Variants in SLC4A7 observed in about 807,000 individuals in gnomAD.
SLC4A7 encodes sodium bicarbonate cotransporter 3.
A neutral mutation model predicts 137.6 loss-of-function variants in SLC4A7; 51 were observed. The observed-to-expected ratio is 0.37, with a 90% CI of 0.30 to 0.47. The LOEUF is 0.47. Ranked by LOEUF, SLC4A7 falls within the 20% of genes least tolerant of loss-of-function variation. SLC4A7 has a pLI of 1.00. For missense variants in SLC4A7, 1,247 were observed against 1,525.4 expected (o/e 0.82, Z 3.04); for synonymous variants, 542 against 518.6 (o/e 1.05, Z -0.61).
intron 1 of SLC4A7, among the ~76,000 whole-genome samples, chr3:27,476,832 G>A (rs1035191034): frequency 2.6e-5 from 4 of 152,126 alleles, no homozygotes; most frequent in African/African-American, 9.7e-5. Context: ...CCCAGTCTCA[G>A]GTAGTTCTTT....
At chr3:27,462,690 CG>C in intron 1 of SLC4A7, 1 of 172,688 alleles carries the variant, frequency 5.8e-6, no homozygotes, top group Non-Finnish European at 1.2e-5. Context: ...TCCTAAAACA[CG>C]GGATCGCTTC....
chr3:27,386,149 C>A, intron 22 of SLC4A7, 126 bp from the exon 23 acceptor site: 7 of 574,612 alleles, frequency 1.2e-5, no homozygotes, highest in East Asian at 3.8e-5. Context: ...ATTCACACAT[C>A]ATTTTGTTTC....
In SLC4A7 at chr3:27,469,480, C is replaced by T. The variant is rs894747330; in HGVS notation, c.60+14587G>A. ...GTTTAATTAATGTCCTGGAGCAGCT[C>T]ACAGAACTCACAGACACACTTACTT... On this transcript the variant is annotated intron_variant, in intron 1 of 25. Transcript: ENST00000454389. 6.5e-4 allele frequency among the ~76,000 whole-genome samples: 99 copies of T among 152,146 alleles called. 2 individuals carry two copies. Among genetic ancestry groups the T allele is most frequent in the Admixed American group, 2.0e-4 (3 of 15,266 alleles).
intron 1 of SLC4A7, among the ~76,000 whole-genome samples, chr3:27,463,291 C>A (rs796676762): frequency 6.6e-6 from 1 of 152,094 alleles, no homozygotes; most frequent in Non-Finnish European, 1.5e-5. Context: ...ATTAGCCAGG[C>A]GTGGTGGCGG....
At chr3:27,481,535 C>T (rs767752075) in intron 1 of SLC4A7, among the ~76,000 whole-genome samples, 6 of 152,280 alleles carry the variant, frequency 3.9e-5, no homozygotes, top group South Asian at 2.1e-4. Flanking sequence ...CTCACTTTTA[C>T]GACTTTTATT....
At chr3:27,478,600 GA>G (rs2150747573) in intron 1 of SLC4A7, among the ~76,000 whole-genome samples, 1 of 151,064 alleles carries the variant, frequency 6.6e-6, no homozygotes, top group South Asian at 2.1e-4. Flanking sequence ...CCTTGATACT[GA>G]AAACTGCTTA....
intron 2 of SLC4A7, among the ~76,000 whole-genome samples, chr3:27,450,948 G>T (rs1350659430): frequency 6.6e-6 from 1 of 151,958 alleles, no homozygotes; most frequent in Non-Finnish European, 1.5e-5. Context: ...GAATATCCAG[G>T]TTATGTATAG....
At position 27,383,212 on chromosome 3, in the gene SLC4A7, C is replaced by A. The variant is rs199895162; in HGVS notation, c.3531G>T (p.Val1177=). The A allele has an allele frequency of 1.9e-6, 3 of 1,613,260 alleles. No individual in the cohort carries two copies. The highest frequency in any genetic ancestry group is 2.5e-6 in the Non-Finnish European group (3 of 1,179,290). ...GACTTCCCCCTTCAAATGGAAGGTGCACAGTATCATCATCATCTTGAAGCA... is the reference window on the plus strand; with the variant it reads ...GACTTCCCCCTTCAAATGGAAGGTGAACAGTATCATCATCATCTTGAAGCA... The part of the protein sequence containing the change: ...ERMLQDDDDT[V]HLPFEGGSLL... The change falls in exon 24 of 26, where the codon GTG becomes GTT. Residue 1177 remains valine, a synonymous_variant. Transcript: ENST00000454389.
At chr3:27,411,200 T>C (rs1054809501) in intron 12 of SLC4A7, among the ~76,000 whole-genome samples, 4 of 152,208 alleles carry the variant, frequency 2.6e-5, no homozygotes, top group Non-Finnish European at 4.4e-5. Flanking sequence ...ATCATGCTTG[T>C]CCATGGAAGA....
intron 21 of SLC4A7, chr3:27,390,315 T>C: frequency 2.3e-6 from 1 of 443,872 alleles, no homozygotes; most frequent in Non-Finnish European, 4.0e-6. Flanking sequence ...AGCAACCACT[T>C]GCACTGCTGT....
At chr3:27,434,130 T>C (rs754055092) in intron 5 of SLC4A7, 26 bp from the exon 6 acceptor site, 3 of 1,518,900 alleles carry the variant, frequency 2.0e-6, no homozygotes, top group Non-Finnish European at 2.7e-6. Context: ...AAAAATAAAT[T>C]ACTAAACACT....
At chr3:27,399,869 G>C (rs925515940) in intron 16 of SLC4A7, among the ~76,000 whole-genome samples, 3 of 152,178 alleles carry the variant, frequency 2.0e-5, no homozygotes, top group Admixed American at 2.0e-4. Flanking sequence ...CTAGTTAACT[G>C]AAAAACTAAA....
chr3:27,479,020 C>CA (rs1475192340), intron 1 of SLC4A7, among the ~76,000 whole-genome samples: 7 of 149,088 alleles, frequency 4.7e-5, no homozygotes, highest in Non-Finnish European at 7.5e-5. Flanking sequence ...AAAAAAAAAA[C>CA]AAAAAAACAC....
At chr3:27,382,579 GAAT>G (rs1173718426) in intron 24 of SLC4A7, among the ~76,000 whole-genome samples, 9 of 151,892 alleles carry the variant, frequency 5.9e-5, no homozygotes, top group African/African-American at 2.2e-4. Flanking sequence ...TCAAAATCAC[GAAT>G]AATGAATTAT....
chr3:27,376,783 T>A lies in SLC4A7; in HGVS notation c.3761A>T (p.Asp1254Val), dbSNP rs918246796. The change falls in exon 26 of 26, where the codon GAT becomes GTT. Residue 1254 changes from aspartate (D) to valine (V), a missense_variant. Transcript: ENST00000454389. ...TCAATTCTATAATGAAGTTTCAGCA[T>A]CCACGTATTTCTTTCTTGGTTCATC... ...FEDEPRKKYV[D>V]AETSL 1.9e-6 allele frequency: 3 copies of A among 1,597,570 alleles called. No individual in the cohort carries two copies. The highest frequency in any genetic ancestry group is 1.7e-6 in the Non-Finnish European group (2 of 1,169,116).
chr3:27,389,803 A>C, intron 22 of SLC4A7, 128 bp downstream of exon 22: 1 of 646,844 alleles, frequency 1.5e-6, no homozygotes. Context: ...CAGCTAATTC[A>C]CATTTTCAAA....
chr3:27,409,601 G>A (rs775798748), intron 12 of SLC4A7, 71 bp from the exon 13 acceptor site: 5 of 1,255,884 alleles, frequency 4.0e-6, no homozygotes, highest in South Asian at 1.6e-5. Flanking sequence ...TAAAACTATG[G>A]GCTACACAAA....
At chr3:27,441,177 C>T (rs1381802072) in intron 3 of SLC4A7, among the ~76,000 whole-genome samples, 1 of 152,164 alleles carries the variant, frequency 6.6e-6, no homozygotes, top group Non-Finnish European at 1.5e-5. Context: ...CCTACCACTC[C>T]CATGATATAT....
chr3:27,463,176 C>A (rs1172381835), intron 1 of SLC4A7, among the ~76,000 whole-genome samples: 2 of 152,190 alleles, frequency 1.3e-5, no homozygotes, highest in African/African-American at 4.8e-5. Context: ...GCCTGTAATC[C>A]CAGCACTTTG....
Sources: gnomAD v4.1 joint callset for allele counts (sites outside exome capture counted in the v4.1 genomes callset) on GRCh38, gnomAD v4.1.1 for gene constraint, MANE v1.5 for transcripts, NCBI Gene and HGNC (gene_info 2026-07-23, HGNC 2026-07-21) for gene names.